The following FHIT variants were observed in gnomAD, a reference collection of about 807,000 sequenced individuals.
FHIT encodes the protein fragile histidine triad diadenosine triphosphatase.
FHIT carries 19 observed loss-of-function variants against 17.9 expected under a neutral mutation model. That is an observed-to-expected ratio of 1.06 (90% CI 0.74 to 1.56). The LOEUF is 1.56. Among genes scored for constraint, FHIT ranks in the 40% most tolerant of loss-of-function variants. The pLI, the probability that FHIT is intolerant of heterozygous loss-of-function variation, is 0.00. For synonymous variants in FHIT, 81 were observed against 69.7 expected, an observed-to-expected ratio of 1.16 and a Z score of -0.81; for missense variants, 248 against 189.2, an observed-to-expected ratio of 1.31 and a Z score of -1.82.
chr3:60,925,885 A>G (rs1707576658), intron 3 of FHIT, among the ~76,000 whole-genome samples: 1 of 152,188 alleles, frequency 6.6e-6, no homozygotes, highest in Non-Finnish European at 1.5e-5. Flanking sequence ...AATGGAAAAC[A>G]AAAAAAGCAG....
intron 5 of FHIT, among the ~76,000 whole-genome samples, chr3:60,418,889 C>T (rs910723679): frequency 2.0e-5 from 3 of 152,084 alleles, no homozygotes; most frequent in Non-Finnish European, 4.4e-5. Flanking sequence ...TAGCCCAACT[C>T]CACATATGTG....
At chr3:60,744,271 A>AAAAAAAAAAAAAAC (rs2042309303) in intron 4 of FHIT, among the ~76,000 whole-genome samples, 13 of 52,112 alleles carry the variant, frequency 2.5e-4, no homozygotes, top group African/African-American at 6.8e-4. Context: ...AACAAAACAA[A>AAAAAAAAAAAAAAC]AAAAAAAAAA....
At chr3:60,223,139 G>C (rs1057000192) in intron 5 of FHIT, among the ~76,000 whole-genome samples, 1 of 152,172 alleles carries the variant, frequency 6.6e-6, no homozygotes, top group Admixed American at 6.5e-5. Flanking sequence ...TCCAGGGATA[G>C]AGGCTCCCCT....
At chr3:60,701,061 G>C (rs1469652652) in intron 4 of FHIT, among the ~76,000 whole-genome samples, 1 of 150,998 alleles carries the variant, frequency 6.6e-6, no homozygotes. Flanking sequence ...CTGATGAAAA[G>C]CCAATTTTCA....
chr3:59,840,307 C>A (rs1701485743), intron 8 of FHIT, among the ~76,000 whole-genome samples: 2 of 151,668 alleles, frequency 1.3e-5, no homozygotes, highest in South Asian at 2.1e-4. Flanking sequence ...CCTATAGGGG[C>A]CCTTTGATAA....
Position 60,060,105 on chromosome 3 carries a change from G to A in FHIT, c.104-45953C>T, listed in dbSNP as rs540598708. Among the ~76,000 whole-genome samples, 21 of 151,940 alleles carry A rather than the reference G, an allele frequency of 1.4e-4. No homozygotes were observed. The South Asian group carries it at 2.3e-3, about 17-fold the overall frequency. On this transcript the variant is annotated intron_variant, in intron 5 of 9. Transcript: ENST00000492590. ...AGACTCACAGCAACAGGAAAGTGAC[G>A]TTATTAACCCTGGGGAGCCTCTATA...
intron 5 of FHIT, among the ~76,000 whole-genome samples, chr3:60,382,906 C>T (rs1263571565): frequency 6.6e-6 from 1 of 152,230 alleles, no homozygotes; most frequent in African/African-American, 2.4e-5. Context: ...GCTTCCACTT[C>T]ATGCTTCAAC....
chr3:60,530,905 C>T (rs754410770), intron 5 of FHIT, among the ~76,000 whole-genome samples: 1 of 152,128 alleles, frequency 6.6e-6, no homozygotes, highest in African/African-American at 2.4e-5. Context: ...GCCATGTACT[C>T]TAATAACCCA....
intron 4 of FHIT, among the ~76,000 whole-genome samples, chr3:60,603,259 G>GA (rs1241827445): frequency 2.6e-4 from 40 of 152,076 alleles, no homozygotes; most frequent in Non-Finnish European, 5.0e-4. Flanking sequence ...CTTTAATGGT[G>GA]AAAAAATACA....
rs929662887 is a variant in FHIT at position 60,012,000 on chromosome 3, C to G, written c.250-600G>C. On this transcript the variant is annotated intron_variant, in intron 6 of 9. Coordinates refer to ENST00000492590, the MANE Select transcript of FHIT (RefSeq NM_002012.4). Reference sequence around the variant, plus strand: ...CCATAATATAAAGCAAAAGCAGATACTCAGCTGGTTGAGATGGCCAAACAA... The same window carrying G: ...CCATAATATAAAGCAAAAGCAGATAGTCAGCTGGTTGAGATGGCCAAACAA... Among the ~76,000 whole-genome samples the G allele has an allele frequency of 1.6e-4, 25 of 152,254 alleles. 1 individual carries two copies. The highest frequency in any genetic ancestry group is 3.4e-3 in the Middle Eastern group (1 of 294).
At chr3:61,106,784 C>T (rs1183924048) in intron 2 of FHIT, among the ~76,000 whole-genome samples, 1 of 152,160 alleles carries the variant, frequency 6.6e-6, no homozygotes, top group African/African-American at 2.4e-5. Flanking sequence ...CCTCAGCCTT[C>T]TGAATAGCTG....
At chr3:60,771,906 T>C (rs1044948083) in intron 4 of FHIT, among the ~76,000 whole-genome samples, 7 of 152,166 alleles carry the variant, frequency 4.6e-5, no homozygotes, top group African/African-American at 7.2e-5. Context: ...AGCCAAGATG[T>C]CATCAAGCTG....
intron 2 of FHIT, among the ~76,000 whole-genome samples, chr3:61,171,475 C>T (rs1313365151): frequency 6.6e-6 from 1 of 152,074 alleles, no homozygotes; most frequent in Non-Finnish European, 1.5e-5. Flanking sequence ...AATTTATAGA[C>T]TAAAATATTA....
At chr3:61,043,310 G>GCGCCTAGCTCGGAGGGTCCCA (rs536064133) in intron 2 of FHIT, among the ~76,000 whole-genome samples, 3 of 152,038 alleles carry the variant, frequency 2.0e-5, no homozygotes, top group Non-Finnish European at 2.9e-5. Flanking sequence ...ATTATATCCC[G>GCGCCTAGCTCGGAGGGTCCCA]CGCCTAGCTC....
intron 4 of FHIT, among the ~76,000 whole-genome samples, chr3:60,709,929 T>G (rs1220805395): frequency 1.3e-5 from 2 of 152,314 alleles, no homozygotes; most frequent in Middle Eastern, 3.4e-3. Context: ...GCTTCTTTCA[T>G]GCAGAAAAAT....
chr3:60,419,128 A>G (rs1702378525), intron 5 of FHIT, among the ~76,000 whole-genome samples: 1 of 152,182 alleles, frequency 6.6e-6, no homozygotes, highest in Admixed American at 6.5e-5. Context: ...GTGTGCCTCA[A>G]ATCATATCTA....
intron 8 of FHIT, among the ~76,000 whole-genome samples, chr3:59,837,785 T>C (rs1246674681): frequency 1.3e-5 from 2 of 152,164 alleles, no homozygotes; most frequent in Admixed American, 1.3e-4. Flanking sequence ...CCATTACCTA[T>C]AGGACTCTGG....
rs373638794 is a variant in FHIT, at chr3:60,190,338, G to T, written c.104-176186C>A. 7.2e-5 allele frequency among the ~76,000 whole-genome samples: 11 copies of T among 151,760 alleles called. No homozygotes were observed. In the East Asian group the frequency reaches 1.6e-3, roughly 21 times the overall value. ...GTGAAATGGCTAATGGCCAGAGAGT[G>T]GGAGTGAGATGAGACCAGAAAAAAA... On this transcript the variant is annotated intron_variant, in intron 5 of 9. Transcript: ENST00000492590.
chr3:60,530,801 A>C (rs2035748864), intron 5 of FHIT, among the ~76,000 whole-genome samples: 1 of 152,216 alleles, frequency 6.6e-6, no homozygotes, highest in Admixed American at 6.5e-5. Context: ...TAGACACTGA[A>C]AAAAGATGTT....
Sources: allele counts gnomAD v4.1 joint callset (sites outside exome capture counted in the v4.1 genomes callset), GRCh38; gene constraint gnomAD v4.1.1; transcripts MANE v1.5; gene names NCBI Gene and HGNC (gene_info 2026-07-23, HGNC 2026-07-21).